SLC44A5: variants seen among roughly 807,000 people sequenced by gnomAD.
The protein encoded by SLC44A5 is solute carrier family 44 member 5.
A neutral mutation model predicts 101.8 loss-of-function variants in SLC44A5; 57 were observed. The observed-to-expected ratio is 0.56, with a 90% confidence interval of 0.45 to 0.70. SLC44A5 has a LOEUF of 0.70. Ranked by LOEUF, SLC44A5 falls within the 30% of genes least tolerant of loss-of-function variation. The probability of loss-of-function intolerance (pLI) is 0.00; values close to 1 mark genes in which losing one functional copy is unlikely to be tolerated. For missense variants in SLC44A5, 737 were observed against 853.1 expected, an observed-to-expected ratio of 0.86 and a Z score of 1.70; for synonymous variants, 281 against 290.9, an observed-to-expected ratio of 0.97 and a Z score of 0.35.
chr1:75,480,674 T>A, intron 2 of SLC44A5, among the ~76,000 whole-genome samples: 2 of 151,764 alleles, frequency 1.3e-5, no homozygotes, highest in Non-Finnish European at 2.9e-5. Flanking sequence ...GAGAATAAAA[T>A]ACCTAGGAAT....
chr1:75,531,969 C>T (rs1670745747), intron 2 of SLC44A5, among the ~76,000 whole-genome samples: 2 of 152,112 alleles, frequency 1.3e-5, no homozygotes, highest in South Asian at 4.1e-4. Flanking sequence ...ATGACTAGAC[C>T]AATAATTCCC....
intron 3 of SLC44A5, among the ~76,000 whole-genome samples, chr1:75,353,074 C>T (rs1273261785): frequency 1.3e-5 from 2 of 151,994 alleles, no homozygotes; most frequent in African/African-American, 2.4e-5. Flanking sequence ...TTGCTCTTAT[C>T]CTTATGTTTG....
At chr1:75,495,095 C>G (rs1668600796) in intron 2 of SLC44A5, among the ~76,000 whole-genome samples, 1 of 152,082 alleles carries the variant, frequency 6.6e-6, no homozygotes, top group Non-Finnish European at 1.5e-5. Context: ...AAATATGTGA[C>G]AAACAGAAGA....
intron 1 of SLC44A5, among the ~76,000 whole-genome samples, chr1:75,565,502 A>T (rs1287305820): frequency 6.6e-6 from 1 of 152,232 alleles, no homozygotes; most frequent in Non-Finnish European, 1.5e-5. Flanking sequence ...TATCTATATC[A>T]GAGTCTTTTG....
chr1:75,369,394 G>GCTAT lies in SLC44A5; in HGVS notation c.52+27185_52+27188dup, dbSNP rs573412869. 1.5e-3 allele frequency among the ~76,000 whole-genome samples: 227 copies of GCTAT among 152,150 alleles called. 1 individual carries two copies. Among genetic ancestry groups the GCTAT allele is most frequent in the African/African-American group, 5.1e-3 (213 of 41,510 alleles). The stretch of plus-strand genomic sequence containing the variant: ...AGTATCAGAGAAATTTAAAAATAAT[G>GCTAT]CTATCTACTGCATTTTTATTTTTAA... On this transcript the variant is annotated intron_variant, in intron 3 of 23. Transcript: ENST00000370859.
the SLC44A5 span, among the ~76,000 whole-genome samples, chr1:75,663,662 G>T: frequency 6.6e-6 from 1 of 152,072 alleles, no homozygotes; most frequent in African/African-American, 2.4e-5. Context: ...AAACTTACCA[G>T]CCAAAAATAG....
chr1:75,222,835 G>A (rs145040257), intron 13 of SLC44A5, among the ~76,000 whole-genome samples: 114 of 152,234 alleles, frequency 7.5e-4, no homozygotes, highest in Middle Eastern at 3.4e-3. Context: ...CAGAAGACAC[G>A]TTTTGAGCTG....
intron 6 of SLC44A5, among the ~76,000 whole-genome samples, chr1:75,265,001 C>T (rs1650873067): frequency 6.6e-6 from 1 of 152,084 alleles, no homozygotes; most frequent in African/African-American, 2.4e-5. Context: ...TGTACACCAA[C>T]AAACTAGAAA....
chr1:75,236,326 A>G (rs1342382810), intron 11 of SLC44A5, among the ~76,000 whole-genome samples: 1 of 152,006 alleles, frequency 6.6e-6, no homozygotes, highest in Non-Finnish European at 1.5e-5. Context: ...AGGGTGACAA[A>G]AGAGCCAGAC....
chr1:75,208,119 T>C lies in SLC44A5; in HGVS notation c.2047+3349A>G, dbSNP rs138789797. Reference sequence around the variant, plus strand: ...CTCGAGTTAATAAGAAATAAACTTATACTGAGGTTGCTAAGATCTACATAA... The same window carrying C: ...CTCGAGTTAATAAGAAATAAACTTACACTGAGGTTGCTAAGATCTACATAA... On this transcript the variant is annotated intron_variant, in intron 23 of 23. Coordinates refer to ENST00000370859, the MANE Select transcript of SLC44A5 (RefSeq NM_001130058.2). Among the ~76,000 whole-genome samples the C allele has an allele frequency of 2.1e-4, 32 of 152,300 alleles. No homozygotes were observed. The East Asian group carries it at 5.2e-3, about 25-fold the overall frequency.
At chr1:75,390,593 G>T (rs1368281766) in intron 3 of SLC44A5, among the ~76,000 whole-genome samples, 1 of 152,018 alleles carries the variant, frequency 6.6e-6, no homozygotes, top group East Asian at 1.9e-4. Context: ...TAGATGCAAA[G>T]AAAGCTTTTG....
At chr1:75,684,913 T>C in the SLC44A5 span, among the ~76,000 whole-genome samples, 3 of 152,206 alleles carry the variant, frequency 2.0e-5, no homozygotes, top group Non-Finnish European at 4.4e-5. Context: ...CACATTTCAC[T>C]TCCACACTGA....
chr1:75,561,535 T>C (rs7544746), intron 1 of SLC44A5, among the ~76,000 whole-genome samples: 2,488 of 152,258 alleles, frequency 0.016, 59 homozygotes, highest in African/African-American at 0.057. Flanking sequence ...GTCCTCAATA[T>C]TTCAATATCA....
the SLC44A5 span, among the ~76,000 whole-genome samples, chr1:75,635,252 G>A: frequency 1.1e-4 from 16 of 151,484 alleles, no homozygotes; most frequent in Middle Eastern, 3.4e-3. Flanking sequence ...TCAGTGTGGC[G>A]ATTCCTCGGG....
At chr1:75,313,293 G>A (rs1300154555) in intron 4 of SLC44A5, among the ~76,000 whole-genome samples, 3 of 152,186 alleles carry the variant, frequency 2.0e-5, no homozygotes, top group South Asian at 2.1e-4. Context: ...TTTTAACACA[G>A]AGGGAAGAAA....
intron 2 of SLC44A5, among the ~76,000 whole-genome samples, chr1:75,500,660 T>C (rs12738260): frequency 0.3 from 46,127 of 152,118 alleles, 7,913 homozygotes; most frequent in East Asian, 0.8. Context: ...ATATTTTGAC[T>C]GATACAAACA....
the SLC44A5 span, among the ~76,000 whole-genome samples, chr1:75,717,344 A>C: frequency 1.3e-5 from 2 of 151,510 alleles, no homozygotes; most frequent in African/African-American, 4.8e-5. Flanking sequence ...CTGTCTCAAA[A>C]AAAAAAAAAA....
chr1:75,596,082 G>A (rs1674614090), intron 1 of SLC44A5, among the ~76,000 whole-genome samples: 1 of 152,024 alleles, frequency 6.6e-6, no homozygotes, highest in African/African-American at 2.4e-5. Flanking sequence ...ACAAGTCCCT[G>A]AATATATTAA....
chr1:75,260,840 C>G (rs757206337), intron 6 of SLC44A5, among the ~76,000 whole-genome samples: 1 of 152,114 alleles, frequency 6.6e-6, no homozygotes, highest in Non-Finnish European at 1.5e-5. Context: ...GACCACAGTG[C>G]AATCAAATTA....
Sources: allele counts gnomAD v4.1 joint callset (sites outside exome capture counted in the v4.1 genomes callset), GRCh38; gene constraint gnomAD v4.1.1; transcripts MANE v1.5; gene names NCBI Gene and HGNC (gene_info 2026-07-23, HGNC 2026-07-21).